Variants in FAM240A observed in about 807,000 individuals in gnomAD.
The protein encoded by FAM240A is family with sequence similarity 240 member A, also known as protein FAM240A.
FAM240A carries 8 observed loss-of-function variants against 7.3 expected under a neutral mutation model. The ratio of observed to expected loss-of-function variants is 1.09; its 90% confidence interval spans 0.64 to 1.97. The LOEUF (loss-of-function observed/expected upper bound fraction) is 1.97. Ranked by LOEUF, FAM240A falls within the 30% of genes most tolerant of loss-of-function variation. The probability of loss-of-function intolerance (pLI) is 0.00; values close to 1 mark genes in which losing one functional copy is unlikely to be tolerated. For missense variants in FAM240A, 90 were observed against 102.2 expected (o/e 0.88, Z 0.52); for synonymous variants, 32 against 35.9 (o/e 0.89, Z 0.38).
intron 1 of FAM240A, among the ~76,000 whole-genome samples, chr3:46,613,329 A>G (rs946922527): frequency 3.3e-5 from 5 of 151,952 alleles, no homozygotes; most frequent in Non-Finnish European, 7.4e-5. Flanking sequence ...CCCTGTCTCT[A>G]CTAAAAATAC....
intron 2 of FAM240A, among the ~76,000 whole-genome samples, chr3:46,621,917 C>A (rs1697699260): frequency 6.6e-6 from 1 of 151,740 alleles, no homozygotes; most frequent in Non-Finnish European, 1.5e-5. Context: ...TTTATGATTT[C>A]CCTTTTCTGT....
chr3:46,613,574 C>T (rs1038592420), intron 1 of FAM240A, among the ~76,000 whole-genome samples: 1 of 151,908 alleles, frequency 6.6e-6, no homozygotes. Flanking sequence ...TGCCCCCATG[C>T]TCCTTTGCCC....
chr3:46,621,956 G>A (rs1322495542), intron 2 of FAM240A, among the ~76,000 whole-genome samples: 1 of 151,060 alleles, frequency 6.6e-6, no homozygotes, highest in Non-Finnish European at 1.5e-5. Context: ...CTTACTCTTT[G>A]AATTGATATC....
At chr3:46,624,373 G>A (rs1575387311) in intron 2 of FAM240A, among the ~76,000 whole-genome samples, 1 of 145,368 alleles carries the variant, frequency 6.9e-6, no homozygotes, top group Admixed American at 7.2e-5. Flanking sequence ...CCAGGTTCAA[G>A]CAATTCTCCT....
At chr3:46,618,831 ACT>A (rs1697659943) in intron 2 of FAM240A, among the ~76,000 whole-genome samples, 1 of 150,610 alleles carries the variant, frequency 6.6e-6, no homozygotes, top group Non-Finnish European at 1.5e-5. Context: ...CAAGAGCAAA[ACT>A]CTGTCTCAAA....
At chr3:46,614,045 A>C (rs1272429959) in intron 1 of FAM240A, among the ~76,000 whole-genome samples, 1 of 152,088 alleles carries the variant, frequency 6.6e-6, no homozygotes, top group African/African-American at 2.4e-5. Context: ...CAGCCTCCTG[A>C]GTAGCTGGGA....
At chr3:46,618,604 G>T (rs963036508) in intron 2 of FAM240A, among the ~76,000 whole-genome samples, 45 of 152,226 alleles carry the variant, frequency 3.0e-4, no homozygotes, top group African/African-American at 9.9e-4. Flanking sequence ...ACTTTGGGAG[G>T]CTGAGGTGGG....
At chr3:46,614,502 C>T (rs778515192) in intron 1 of FAM240A, among the ~76,000 whole-genome samples, 6 of 152,170 alleles carry the variant, frequency 3.9e-5, no homozygotes, top group African/African-American at 1.4e-4. Flanking sequence ...TGTAAAATAA[C>T]GTTATGCGGA....
intron 2 of FAM240A, among the ~76,000 whole-genome samples, chr3:46,622,397 C>T (rs528863727): frequency 2.6e-5 from 4 of 152,006 alleles, no homozygotes; most frequent in South Asian, 4.1e-4. Flanking sequence ...TGAGCCACCG[C>T]GCCCGGCTGA....
chr3:46,618,072 A>G (rs950574618), intron 2 of FAM240A, among the ~76,000 whole-genome samples: 2 of 152,178 alleles, frequency 1.3e-5, no homozygotes, highest in African/African-American at 4.8e-5. Flanking sequence ...TGACGAGGCC[A>G]TGGCTTATGT....
In FAM240A at chr3:46,626,173, G is replaced by GTT. The variant is rs10662324; in HGVS notation, c.*956_*957insTT. ...CTTATATACTATACACAGAGGCACT[G>GTT]TATGGCAGACGCACCTGACAGCAAT... On this transcript the variant is annotated 3_prime_UTR_variant, in exon 3 of 3. Coordinates refer to ENST00000640551, the MANE Select transcript of FAM240A (RefSeq NM_001195442.2). 149,925 of 152,340 alleles carry GTT rather than the reference G, an allele frequency of 0.98. 73,825 individuals are homozygous for GTT. The highest frequency in any genetic ancestry group is 1 in the East Asian group (5,182 of 5,182). 9.4% of individuals were successfully genotyped at this position (152,340 alleles called of 1,614,324 possible).
intron 2 of FAM240A, among the ~76,000 whole-genome samples, chr3:46,618,876 T>C (rs1023114069): frequency 0.03 from 1,375 of 45,338 alleles, 31 homozygotes; most frequent in African/African-American, 0.11. Context: ...TGTATATATA[T>C]ATATATACAC....
At chr3:46,620,273 T>C (rs1697679969) in intron 2 of FAM240A, among the ~76,000 whole-genome samples, 1 of 150,782 alleles carries the variant, frequency 6.6e-6, no homozygotes, top group Admixed American at 6.6e-5. Flanking sequence ...AGTGACTTCA[T>C]CTCTCCTGGA....
chr3:46,622,314 G>A (rs1697707196), intron 2 of FAM240A, among the ~76,000 whole-genome samples: 1 of 151,738 alleles, frequency 6.6e-6, no homozygotes, highest in African/African-American at 2.4e-5. Flanking sequence ...CACCGTGTTA[G>A]CCAGGATGGT....
chr3:46,615,010 C>T (rs1697612127), intron 1 of FAM240A, among the ~76,000 whole-genome samples: 1 of 152,208 alleles, frequency 6.6e-6, no homozygotes, highest in African/African-American at 2.4e-5. Context: ...TTGCAGAACA[C>T]TTTCACTCTT....
At chr3:46,620,541 A>G (rs1172925955) in intron 2 of FAM240A, among the ~76,000 whole-genome samples, 1 of 151,044 alleles carries the variant, frequency 6.6e-6, no homozygotes, top group Non-Finnish European at 1.5e-5. Context: ...TTCTAGTGCT[A>G]GCCACTAATT....
intron 2 of FAM240A, among the ~76,000 whole-genome samples, chr3:46,619,862 C>T (rs1306319714): frequency 1.3e-5 from 2 of 152,164 alleles, no homozygotes; most frequent in Admixed American, 6.5e-5. Flanking sequence ...GAACAGCTTG[C>T]CCTATTTGTG....
At chr3:46,618,322 G>C (rs528714061) in intron 2 of FAM240A, among the ~76,000 whole-genome samples, 1 of 152,194 alleles carries the variant, frequency 6.6e-6, no homozygotes, top group African/African-American at 2.4e-5. Flanking sequence ...AGCTGACTTG[G>C]GTGGCCAGTC....
intron 2 of FAM240A, among the ~76,000 whole-genome samples, chr3:46,624,367 G>A (rs1468162203): frequency 6.8e-6 from 1 of 146,568 alleles, no homozygotes; most frequent in Non-Finnish European, 1.5e-5. Flanking sequence ...CTCCTCCCAG[G>A]TTCAAGCAAT....
Sources: gnomAD v4.1 joint callset for allele counts (sites outside exome capture counted in the v4.1 genomes callset) on GRCh38, gnomAD v4.1.1 for gene constraint, MANE v1.5 for transcripts, NCBI Gene and HGNC (gene_info 2026-07-23, HGNC 2026-07-21) for gene names.